The following ZSCAN32 variants were observed in gnomAD, a reference collection of about 807,000 sequenced individuals.
ZSCAN32 encodes the protein zinc finger and SCAN domain containing 32.
ZSCAN32 carries 52 observed loss-of-function variants against 47.4 expected under a neutral mutation model. The ratio of observed to expected loss-of-function variants is 1.10; its 90% CI spans 0.88 to 1.38. The LOEUF (loss-of-function observed/expected upper bound fraction) is 1.38, where lower values mean the gene tolerates loss of function less well. ZSCAN32 is among the 40% of genes most tolerant of loss of function. The probability of loss-of-function intolerance (pLI) is 0.00; values close to 1 mark genes in which losing one functional copy is unlikely to be tolerated. For synonymous variants in ZSCAN32, 346 were observed against 305.7 expected (o/e 1.13, Z -1.38); for missense variants, 959 against 846.0 (o/e 1.13, Z -1.66).
intron 3 of ZSCAN32, among the ~76,000 whole-genome samples, chr16:3,393,289 A>C (rs956088211): frequency 3.2e-5 from 3 of 94,016 alleles, no homozygotes; most frequent in African/African-American, 8.5e-5. Context: ...CCAGGCTGGA[A>C]TACAGTGGTG....
At chr16:3,390,786 T>G (rs2032597198) in intron 3 of ZSCAN32, among the ~76,000 whole-genome samples, 1 of 152,180 alleles carries the variant, frequency 6.6e-6, no homozygotes, top group Non-Finnish European at 1.5e-5. Flanking sequence ...CCTCTGTGAG[T>G]TGAGAAGTTC....
At chr16:3,400,006 C>T (rs2033739183) in intron 1 of ZSCAN32, among the ~76,000 whole-genome samples, 1 of 152,210 alleles carries the variant, frequency 6.6e-6, no homozygotes, top group South Asian at 2.1e-4. Flanking sequence ...GATACACCCT[C>T]ACCATGTGGT....
intron 5 of ZSCAN32, among the ~76,000 whole-genome samples, chr16:3,388,862 A>G (rs2032325012): frequency 1.3e-5 from 2 of 152,066 alleles, no homozygotes; most frequent in Admixed American, 1.3e-4. Context: ...ACGGGGAGAA[A>G]CTGCTGGATG....
rs2031460354 is a variant in ZSCAN32 at position 3,383,213 on chromosome 16, T to C, written c.1733A>G (p.Gln578Arg). The C allele has an allele frequency of 6.2e-7, 1 of 1,614,070 alleles. No homozygotes were observed. The highest frequency in any genetic ancestry group is 8.5e-7 in the Non-Finnish European group (1 of 1,180,026). ...GAAGCTTTTCCCACATTGCCCACAC[T>C]GATAGGGCCTCTCCCCTGTGTGAGT... The part of the protein sequence containing the change: ...LRTHTGERPY[Q>R]CGQCGKSFNQ... The change falls in exon 7 of 7, where the codon CAG becomes CGG. Residue 578 changes from glutamine (Q) to arginine (R), a missense_variant. Physicochemically the swap from Gln to Arg is conservative, Grantham distance 43 (BLOSUM62 1). Coordinates refer to ENST00000396852, the MANE Select transcript of ZSCAN32 (RefSeq NM_001284527.2).
rs2031300331 is a variant in ZSCAN32, at chr16:3,382,189, CTTACT to C, written c.*658_*662del. The C allele has an allele frequency of 6.6e-6, 1 of 152,116 alleles. No individual in the cohort carries two copies. Among genetic ancestry groups the C allele is most frequent in the Non-Finnish European group, 1.5e-5 (1 of 68,030 alleles). The allele number at this position is 152,116 out of a possible 1,614,324, so 9.4% of individuals were successfully genotyped here. On this transcript the variant is annotated 3_prime_UTR_variant, in exon 7 of 7. Coordinates refer to ENST00000396852, the MANE Select transcript of ZSCAN32 (RefSeq NM_001284527.2). ...CAGAAATAGTAATGTCTATAAACCA[CTTACT>C]TTAAGAGACAATCAGGAACTATGAT...
chr16:3,395,231 G>T (rs2033257892), intron 2 of ZSCAN32, among the ~76,000 whole-genome samples: 1 of 152,156 alleles, frequency 6.6e-6, no homozygotes, highest in Non-Finnish European at 1.5e-5. Context: ...GGGGTCCTGA[G>T]AAATTATATC....
intron 1 of ZSCAN32, among the ~76,000 whole-genome samples, chr16:3,399,210 C>T (rs1004531141): frequency 6.6e-6 from 1 of 152,186 alleles, no homozygotes; most frequent in South Asian, 2.1e-4. Context: ...GCAACAAGAG[C>T]GAGACTGTCT....
chr16:3,399,301 A>G (rs747163349), intron 1 of ZSCAN32, among the ~76,000 whole-genome samples: 6 of 152,206 alleles, frequency 3.9e-5, no homozygotes, highest in Non-Finnish European at 5.9e-5. Flanking sequence ...TGGGCATATG[A>G]CACACAGCTA....
In ZSCAN32 at chr16:3,383,685, T is replaced by C. The variant is rs1286669630; in HGVS notation, c.1261A>G (p.Lys421Glu). The C allele has an allele frequency of 1.3e-6, 2 of 1,589,798 alleles. No homozygotes were observed. Among genetic ancestry groups the C allele is most frequent in the Non-Finnish European group, 1.7e-6 (2 of 1,173,712 alleles). ...GAATCATCCCATTTTAGATTTTCTT[T>C]TTTAATCTCGTTCTTGAACTCAAAA... ...LGFEFKNEIK[K>E]ENLKWDDSEE... Residue 421 changes from lysine to glutamate, a missense_variant, in exon 7 of 7, where the codon AAA becomes GAA. By Grantham distance (56) the Lys-to-Glu change is moderately conservative. Transcript: ENST00000396852.
chr16:3,383,758 A>T, intron 6 of ZSCAN32, 47 bp from the exon 7 acceptor site: 1 of 1,522,358 alleles, frequency 6.6e-7, no homozygotes, highest in Non-Finnish European at 8.7e-7. Context: ...ATAGAGAAGG[A>T]AAACAATGGA....
At chr16:3,398,885 A>T (rs1165727633) in intron 1 of ZSCAN32, among the ~76,000 whole-genome samples, 1 of 152,198 alleles carries the variant, frequency 6.6e-6, no homozygotes, top group Non-Finnish European at 1.5e-5. Flanking sequence ...ATTTTCCAGC[A>T]TTCCTTTCCC....
chr16:3,388,192 G>A (rs1320373351), intron 5 of ZSCAN32, among the ~76,000 whole-genome samples: 1 of 152,142 alleles, frequency 6.6e-6, no homozygotes, highest in Non-Finnish European at 1.5e-5. Context: ...ATTTGATCTG[G>A]CTTTCTGAGC....
Position 3,383,319 on chromosome 16 carries a change from G to A in ZSCAN32, c.1627C>T (p.His543Tyr). ...CACTTGTGAGGCTTCTCGCCTGTGT[G>A]GATTCTTTGATGCCGAACAAGATAA... ...SSYLVRHQRI[H>Y]TGEKPHKCSE... Residue 543 changes from histidine to tyrosine, a missense_variant, in exon 7 of 7, where the codon CAC becomes TAC. His to Tyr is a moderately conservative substitution (Grantham distance 83, BLOSUM62 2). Transcript: ENST00000396852. 1 of 1,614,112 alleles carries A rather than the reference G, an allele frequency of 6.2e-7. No homozygotes were observed. The highest frequency in any genetic ancestry group is 8.5e-7 in the Non-Finnish European group (1 of 1,180,024).
chr16:3,398,004 T>G (rs777574160), intron 1 of ZSCAN32, among the ~76,000 whole-genome samples: 1 of 152,238 alleles, frequency 6.6e-6, no homozygotes, highest in Non-Finnish European at 1.5e-5. Flanking sequence ...TGGTCATTCC[T>G]GGGTGTGGGC....
Position 3,384,713 on chromosome 16 carries a change from T to G in ZSCAN32, c.980A>C (p.Glu327Ala). ...YRKVRRGRVP[E>A]PCIFYEEMNA... ...CATTTCCTCATAAAAGATACAAGGC[T>G]CAGGCACACGGCCTCTCCTCACTTT... Residue 327 changes from glutamate to alanine, a missense_variant, in exon 6 of 7, where the codon GAG (glutamate) becomes GCG (alanine). Physicochemically the swap from Glu to Ala is moderately radical, Grantham distance 107. Transcript: ENST00000396852. 1 of 1,614,116 alleles carries G rather than the reference T, an allele frequency of 6.2e-7. No individual in the cohort carries two copies. Among genetic ancestry groups the G allele is most frequent in the Middle Eastern group, 1.7e-4 (1 of 6,060 alleles).
Position 3,384,842 on chromosome 16 carries a change from C to T in ZSCAN32, c.851G>A (p.Ser284Asn), listed in dbSNP as rs1025885853. 6.2e-7 allele frequency: 1 copy of T among 1,614,038 alleles called. No homozygotes were observed. The highest frequency in any genetic ancestry group is 1.3e-5 in the African/African-American group (1 of 74,906). ...TTCCGCCATGGCCCTGTAGATCTGG[C>T]TGTTCTGCTGACAGGTCTGGAGTTT... ...YGKLQTCQQN[S>N]QIYRAMAEGL... is the part of the protein sequence containing the mutation. The change falls in exon 6 of 7, where the codon AGC (serine) becomes AAC (asparagine). Residue 284 changes from serine (S) to asparagine (N), a missense_variant. Coordinates refer to ENST00000396852, the MANE Select transcript of ZSCAN32 (RefSeq NM_001284527.2).
At chr16:3,385,203 G>A (rs2031813247) in intron 5 of ZSCAN32, among the ~76,000 whole-genome samples, 1 of 152,152 alleles carries the variant, frequency 6.6e-6, no homozygotes, top group African/African-American at 2.4e-5. Context: ...CCGTGTGCCT[G>A]TAGTCCCAGC....
chr16:3,386,236 A>G (rs1415930497), intron 5 of ZSCAN32, among the ~76,000 whole-genome samples: 1 of 152,218 alleles, frequency 6.6e-6, no homozygotes, highest in Non-Finnish European at 1.5e-5. Context: ...CAAAACTACA[A>G]TGAGATACCA....
intron 5 of ZSCAN32, among the ~76,000 whole-genome samples, chr16:3,387,058 A>G (rs1400161493): frequency 3.3e-5 from 5 of 152,194 alleles, no homozygotes; most frequent in Admixed American, 1.3e-4. Flanking sequence ...AACTTTTAGT[A>G]TAATACAAAA....
Sources: gnomAD v4.1 joint callset for allele counts (sites outside exome capture counted in the v4.1 genomes callset) on GRCh38, gnomAD v4.1.1 for gene constraint, MANE v1.5 for transcripts, NCBI Gene and HGNC (gene_info 2026-07-23, HGNC 2026-07-21) for gene names.